DLGAP2: variants seen among roughly 807,000 people sequenced by gnomAD.
DLGAP2 encodes the protein disks large-associated protein 2.
Under a neutral mutation model 100.3 loss-of-function variants are expected in DLGAP2, and 26 were observed. The observed-to-expected ratio is 0.26, with a 90% confidence interval of 0.19 to 0.36. DLGAP2 has a LOEUF of 0.36. Ranked by LOEUF, DLGAP2 falls within the 10% of genes least tolerant of loss-of-function variation. The pLI is 1.00. For missense variants in DLGAP2, 1,858 were observed against 1,453.2 expected, an observed-to-expected ratio of 1.28 and a Z score of -4.53; for synonymous variants, 886 against 630.1, an observed-to-expected ratio of 1.41 and a Z score of -6.08.
intron 4 of DLGAP2, among the ~76,000 whole-genome samples, chr8:1,509,955 G>C (rs1800101962): frequency 6.6e-6 from 1 of 152,162 alleles, no homozygotes; most frequent in Admixed American, 6.5e-5. Context: ...AGAGGAGTCG[G>C]TGTAATACTC....
intron 1 of DLGAP2, among the ~76,000 whole-genome samples, chr8:855,792 A>G (rs1195268532): frequency 6.6e-6 from 1 of 152,206 alleles, no homozygotes; most frequent in Non-Finnish European, 1.5e-5. Context: ...CAGGCTAAAG[A>G]AGAGAAGTCC....
rs114954913 is a variant in DLGAP2 at position 943,499 on chromosome 8, C to T, written c.73+35533C>T. Among the ~76,000 whole-genome samples the T allele has an allele frequency of 4.9e-3, 748 of 152,362 alleles. 6 individuals carry two copies. Among genetic ancestry groups the T allele is most frequent in the African/African-American group, 0.017 (713 of 41,582 alleles). ...CATGACGCGGCCATCCCGCCACAAG[C>T]ACAGCAAGAACCGCTGTGTACAAGA... On this transcript the variant is annotated intron_variant, in intron 2 of 14. Coordinates refer to ENST00000637795, the MANE Select transcript of DLGAP2 (RefSeq NM_001346810.2).
chr8:1,678,392 A>G lies in DLGAP2; in HGVS notation c.2467A>G (p.Thr823Ala). 6.2e-7 allele frequency: 1 copy of G among 1,613,830 alleles called. No homozygotes were observed. Among genetic ancestry groups the G allele is most frequent in the Non-Finnish European group, 8.5e-7 (1 of 1,179,812 alleles). ...GTACAGCGCGGTGAGAACTGTACGG[A>G]CCCAGGGGCTCTTCAGCTATAGAGA... ...TQYSAVRTVR[T>A]QGLFSYREDY... The change falls in exon 12 of 15, where the codon ACC becomes GCC. Residue 823 changes from threonine to alanine, a missense_variant. Coordinates refer to ENST00000637795, the MANE Select transcript of DLGAP2 (RefSeq NM_001346810.2).
chr8:1,042,102 A>G lies in DLGAP2; in HGVS notation c.73+134136A>G, dbSNP rs930350097. Among the ~76,000 whole-genome samples the G allele has an allele frequency of 8.7e-4, 133 of 152,154 alleles. 3 individuals carry two copies. Among genetic ancestry groups the G allele is most frequent in the Non-Finnish European group, 2.4e-4 (16 of 68,024 alleles). On this transcript the variant is annotated intron_variant, in intron 2 of 14. Transcript: ENST00000637795. ...CCTCAGACTGCAAACCCCAACACAG[A>G]CAGGCAGGAGAGCCCCCAGCCCCAG...
intron 2 of DLGAP2, among the ~76,000 whole-genome samples, chr8:1,184,391 T>C (rs1173390807): frequency 6.6e-6 from 1 of 152,220 alleles, no homozygotes; most frequent in African/African-American, 2.4e-5. Context: ...CAAGCTCATG[T>C]CTTCCTTTCT....
intron 3 of DLGAP2, among the ~76,000 whole-genome samples, chr8:1,377,143 C>T (rs1357391095): frequency 2.6e-5 from 4 of 152,206 alleles, no homozygotes; most frequent in African/African-American, 4.8e-5. Context: ...CCTCGGGGCC[C>T]AGCCCCACAG....
At chr8:1,534,579 C>G (rs1478225634) in intron 4 of DLGAP2, among the ~76,000 whole-genome samples, 1 of 152,182 alleles carries the variant, frequency 6.6e-6, no homozygotes, top group East Asian at 1.9e-4. Flanking sequence ...TTGTACCAAT[C>G]AAAAGACATC....
chr8:1,337,387 GTGAGGA>G (rs1801305029), intron 3 of DLGAP2, among the ~76,000 whole-genome samples: 7 of 53,242 alleles, frequency 1.3e-4, no homozygotes, highest in East Asian at 4.0e-4. Flanking sequence ...GATGGTGATG[GTGAGGA>G]TGATGGTGAT....
chr8:1,201,692 G>A (rs534278743), intron 2 of DLGAP2, among the ~76,000 whole-genome samples: 4 of 152,334 alleles, frequency 2.6e-5, no homozygotes, highest in South Asian at 2.1e-4. Flanking sequence ...GGTCCAGGCC[G>A]TGGGATCCAG....
chr8:1,173,014 A>ATCTACTTTTGG (rs1445414821), intron 2 of DLGAP2, among the ~76,000 whole-genome samples: 6 of 151,748 alleles, frequency 4.0e-5, no homozygotes, highest in Admixed American at 3.3e-4. Flanking sequence ...TTGTGGTTTT[A>ATCTACTTTTGG]TCTACTTTTG....
chr8:1,248,219 T>C (rs182543231), intron 2 of DLGAP2, among the ~76,000 whole-genome samples: 113 of 1,744 alleles, frequency 0.065, 9 homozygotes, highest in South Asian at 0.12. Context: ...TGATGGTCCA[T>C]GTCGGTGGCC....
At chr8:976,619 CA>C (rs1308987489) in intron 2 of DLGAP2, among the ~76,000 whole-genome samples, 3 of 151,804 alleles carry the variant, frequency 2.0e-5, no homozygotes, top group Non-Finnish European at 4.4e-5. Flanking sequence ...CTCAAAAAAA[CA>C]AAAAACAGAA....
chr8:918,180 T>G (rs1179358510), intron 2 of DLGAP2, among the ~76,000 whole-genome samples: 1 of 152,168 alleles, frequency 6.6e-6, no homozygotes, highest in Admixed American at 6.5e-5. Context: ...CTGGTCTGTG[T>G]GGGTCTGTGT....
chr8:1,519,956 G>C (rs954109102), intron 4 of DLGAP2, among the ~76,000 whole-genome samples: 1 of 152,324 alleles, frequency 6.6e-6, no homozygotes, highest in African/African-American at 2.4e-5. Flanking sequence ...TGGGAGCCTC[G>C]GTTTCCAGTC....
chr8:749,232 C>A (rs1820728684), intron 1 of DLGAP2, among the ~76,000 whole-genome samples: 1 of 152,216 alleles, frequency 6.6e-6, no homozygotes, highest in African/African-American at 2.4e-5. Flanking sequence ...TTCAAGCAGT[C>A]CCCCTGCCTC....
chr8:1,610,818 A>C (rs1166894038), intron 6 of DLGAP2, among the ~76,000 whole-genome samples: 2 of 123,424 alleles, frequency 1.6e-5, no homozygotes, highest in Non-Finnish European at 3.2e-5. Context: ...CGACACATAC[A>C]CTGTCCCAAG....
intron 6 of DLGAP2, among the ~76,000 whole-genome samples, chr8:1,596,940 G>C (rs1796477159): frequency 6.6e-6 from 1 of 152,078 alleles, no homozygotes; most frequent in Admixed American, 6.6e-5. Flanking sequence ...GTCTTTACCA[G>C]TGCCTGTGTC....
At chr8:1,207,523 A>G (rs935392896) in intron 2 of DLGAP2, among the ~76,000 whole-genome samples, 1 of 152,178 alleles carries the variant, frequency 6.6e-6, no homozygotes, top group Non-Finnish European at 1.5e-5. Context: ...AATTGTGAAT[A>G]CACATGCATG....
intron 2 of DLGAP2, among the ~76,000 whole-genome samples, chr8:1,054,094 T>C (rs548106891): frequency 4.6e-5 from 7 of 152,278 alleles, no homozygotes; most frequent in South Asian, 2.1e-4. Context: ...TGGGAGCCTC[T>C]GAGCCTGTGT....
Sources: gnomAD v4.1 joint callset for allele counts (sites outside exome capture counted in the v4.1 genomes callset) on GRCh38, gnomAD v4.1.1 for gene constraint, MANE v1.5 for transcripts, NCBI Gene and HGNC (gene_info 2026-07-23, HGNC 2026-07-21) for gene names.